Variants in SEMA5A observed in about 807,000 individuals in gnomAD.
SEMA5A encodes semaphorin 5A.
In SEMA5A, 55 loss-of-function variants were observed where a neutral mutation model predicts 135.5. The observed-to-expected ratio is 0.41, with a 90% CI of 0.33 to 0.51. SEMA5A has a LOEUF of 0.51. Among genes scored for constraint, SEMA5A ranks in the 20% least tolerant of loss-of-function variants. SEMA5A has a pLI of 0.37. For synonymous variants in SEMA5A, 580 were observed against 546.5 expected, an observed-to-expected ratio of 1.06 and a Z score of -0.85; for missense variants, 1,290 against 1,419.9, an observed-to-expected ratio of 0.91 and a Z score of 1.47.
chr5:9,323,447 C>T lies in SEMA5A; in HGVS notation c.225-5030G>A, dbSNP rs1752717878. ...ATAGTATAAATTGATGTAATAAGTA[C>T]TTATGTATTTGTTAATAAAATCAGT... is the stretch of plus-strand genomic sequence containing the variant. On this transcript the variant is annotated intron_variant, in intron 4 of 22. Transcript: ENST00000382496. 2.6e-5 allele frequency among the ~76,000 whole-genome samples: 4 copies of T among 151,312 alleles called. No individual in the cohort carries two copies. The South Asian group carries it at 8.3e-4, about 32-fold the overall frequency.
chr5:9,086,856 T>A (rs1738723338), intron 16 of SEMA5A, among the ~76,000 whole-genome samples: 1 of 152,270 alleles, frequency 6.6e-6, no homozygotes, highest in Admixed American at 6.5e-5. Context: ...GGGGTTATAA[T>A]TAAATTTATT....
chr5:9,119,400 T>C (rs1050193612), intron 14 of SEMA5A, among the ~76,000 whole-genome samples: 1 of 152,222 alleles, frequency 6.6e-6, no homozygotes, highest in African/African-American at 2.4e-5. Context: ...AATAATGGAC[T>C]ATATTAGAAA....
At chr5:9,218,971 T>C (rs1448612066) in intron 8 of SEMA5A, among the ~76,000 whole-genome samples, 1 of 152,244 alleles carries the variant, frequency 6.6e-6, no homozygotes, top group Non-Finnish European at 1.5e-5. Context: ...GTACTGACTA[T>C]GTGCCAGACA....
chr5:9,412,490 C>CTTTTT (rs34854075), intron 2 of SEMA5A, among the ~76,000 whole-genome samples: 1 of 103,024 alleles, frequency 9.7e-6, no homozygotes, highest in Admixed American at 1.1e-4. Context: ...TACTTCATTG[C>CTTTTT]TTTTTTTTTT....
intron 1 of SEMA5A, among the ~76,000 whole-genome samples, chr5:9,468,996 TTTTTGTTTTG>T (rs898374747): frequency 2.6e-5 from 4 of 152,088 alleles, no homozygotes; most frequent in African/African-American, 7.2e-5. Context: ...GCAATGGATT[TTTTTGTTTTG>T]TTTTGTTTTG....
chr5:9,084,125 A>C (rs1485233656), intron 16 of SEMA5A, among the ~76,000 whole-genome samples: 1 of 152,248 alleles, frequency 6.6e-6, no homozygotes, highest in Non-Finnish European at 1.5e-5. Context: ...CAAAAATAGT[A>C]AGTTATCAAA....
intron 16 of SEMA5A, among the ~76,000 whole-genome samples, chr5:9,068,352 G>T (rs1737586969): frequency 6.6e-6 from 1 of 152,160 alleles, no homozygotes; most frequent in Non-Finnish European, 1.5e-5. Context: ...TTTCCTGCTG[G>T]ACTCTTCAGA....
intron 11 of SEMA5A, 65 bp downstream of exon 11, chr5:9,190,202 T>A: frequency 6.5e-7 from 1 of 1,529,604 alleles, no homozygotes; most frequent in East Asian, 2.3e-5. Context: ...ATGTTTAGAA[T>A]CTAAATCTAA....
intron 11 of SEMA5A, among the ~76,000 whole-genome samples, chr5:9,159,504 A>T (rs919840128): frequency 6.6e-6 from 1 of 152,048 alleles, no homozygotes; most frequent in African/African-American, 2.4e-5. Context: ...AACCAAAATG[A>T]GATACCATCT....
chr5:9,308,155 C>A (rs889784897), intron 5 of SEMA5A, among the ~76,000 whole-genome samples: 1 of 152,134 alleles, frequency 6.6e-6, no homozygotes, highest in African/African-American at 2.4e-5. Flanking sequence ...TGAGTATTAT[C>A]AATCATAGTG....
intron 5 of SEMA5A, among the ~76,000 whole-genome samples, chr5:9,238,196 G>C (rs1281594986): frequency 1.3e-5 from 2 of 152,184 alleles, no homozygotes; most frequent in East Asian, 3.8e-4. Context: ...ACTGATGGTA[G>C]AAATGATCAC....
intron 21 of SEMA5A, among the ~76,000 whole-genome samples, chr5:9,047,912 TCCTGGGTTCTCAAGGC>T (rs1390992745): frequency 2.0e-5 from 3 of 152,204 alleles, no homozygotes; most frequent in Admixed American, 6.5e-5. Flanking sequence ...CACCAGGTTC[TCCTGGGTTCTCAAGGC>T]CCTTGAAGGT....
Position 9,188,790 on chromosome 5 carries a change from A to T in SEMA5A, c.1273+1477T>A, listed in dbSNP as rs540476610. Reference sequence around the variant, plus strand: ...GAAACAATCCTTCCTTTCTCTTAACACAAACAAAAATCAACAAAATCCTTT... The same window carrying T: ...GAAACAATCCTTCCTTTCTCTTAACTCAAACAAAAATCAACAAAATCCTTT... On this transcript the variant is annotated intron_variant, in intron 11 of 22. Coordinates refer to ENST00000382496, the MANE Select transcript of SEMA5A (RefSeq NM_003966.3). Among the ~76,000 whole-genome samples, 26 of 152,362 alleles carry T rather than the reference A, an allele frequency of 1.7e-4. 1 individual carries two copies. The South Asian group carries it at 5.2e-3, about 30-fold the overall frequency.
Position 9,387,609 on chromosome 5 carries a change from G to A in SEMA5A, c.-77-7586C>T, listed in dbSNP as rs1755953860. Among the ~76,000 whole-genome samples the A allele has an allele frequency of 2.6e-5, 4 of 152,296 alleles. No homozygotes were observed. In the South Asian group the frequency reaches 8.3e-4, roughly 32 times the overall value. On this transcript the variant is annotated intron_variant, in intron 2 of 22. Coordinates refer to ENST00000382496, the MANE Select transcript of SEMA5A (RefSeq NM_003966.3). Reference sequence around the variant, plus strand: ...CCAGGAGAATCAAAGCCCACGGTGTGTTCAGGCCTAGAAGGAATGTATTAA... The same window carrying A: ...CCAGGAGAATCAAAGCCCACGGTGTATTCAGGCCTAGAAGGAATGTATTAA...
intron 5 of SEMA5A, among the ~76,000 whole-genome samples, chr5:9,316,786 ATTT>A (rs1456835620): frequency 6.6e-6 from 1 of 152,076 alleles, no homozygotes; most frequent in Non-Finnish European, 1.5e-5. Flanking sequence ...TTATTTATTT[ATTT>A]ATTTATTTTG....
intron 1 of SEMA5A, among the ~76,000 whole-genome samples, chr5:9,465,766 T>A (rs1759234039): frequency 1.3e-5 from 2 of 152,232 alleles, no homozygotes; most frequent in Non-Finnish European, 2.9e-5. Flanking sequence ...GATGACTTTA[T>A]TCTCCATCTA....
rs1180356819 is a variant in SEMA5A, at chr5:9,040,619, C to A, written c.*2278G>T. 1 of 152,190 alleles carries A rather than the reference C, an allele frequency of 6.6e-6. No individual in the cohort carries two copies. The highest frequency in any genetic ancestry group is 1.5e-5 in the Non-Finnish European group (1 of 68,022). 9.4% of individuals were successfully genotyped at this position (152,190 alleles called of 1,614,324 possible). ...TGTGGTACGAAACAAAAATGGGATTCTTTTGCAATGCTAATTTCAAAGGTT... is the reference window on the plus strand; with the variant it reads ...TGTGGTACGAAACAAAAATGGGATTATTTTGCAATGCTAATTTCAAAGGTT... On this transcript the variant is annotated 3_prime_UTR_variant, in exon 23 of 23. Coordinates refer to ENST00000382496, the MANE Select transcript of SEMA5A (RefSeq NM_003966.3).
rs550645738 is a variant in SEMA5A, at chr5:9,162,662, T to C, written c.1274-7967A>G. On this transcript the variant is annotated intron_variant, in intron 11 of 22. Transcript: ENST00000382496. ...GATTTCCTTAATCCAGCAAGATACA[T>C]TCTTGGGGAGACTATGAGTGATCCT... 4.6e-5 allele frequency among the ~76,000 whole-genome samples: 7 copies of C among 150,964 alleles called. No homozygotes were observed. In the South Asian group the frequency reaches 1.1e-3, roughly 23 times the overall value.
At chr5:9,194,161 G>A (rs1183202697) in intron 10 of SEMA5A, among the ~76,000 whole-genome samples, 1 of 152,160 alleles carries the variant, frequency 6.6e-6, no homozygotes, top group Non-Finnish European at 1.5e-5. Flanking sequence ...TCTTACTGAG[G>A]GTCAGGGTCT....
Sources: gnomAD v4.1 joint callset for allele counts (sites outside exome capture counted in the v4.1 genomes callset) on GRCh38, gnomAD v4.1.1 for gene constraint, MANE v1.5 for transcripts, NCBI Gene and HGNC (gene_info 2026-07-23, HGNC 2026-07-21) for gene names.